The following USP4 variants were observed in gnomAD, a reference collection of about 807,000 sequenced individuals.
USP4 encodes the protein ubiquitin carboxyl-terminal hydrolase 4.
Under a neutral mutation model 118.2 loss-of-function variants are expected in USP4, and 72 were observed. That is an observed-to-expected ratio of 0.61 (90% CI 0.50 to 0.74). USP4 has a LOEUF of 0.74. Among genes scored for constraint, USP4 ranks in the 30% least tolerant of loss-of-function variants. The probability of loss-of-function intolerance (pLI) is 0.00; values close to 1 mark genes in which losing one functional copy is unlikely to be tolerated. For missense variants in USP4, 1,037 were observed against 1,185.7 expected, an observed-to-expected ratio of 0.87 and a Z score of 1.84; for synonymous variants, 415 against 440.4, an observed-to-expected ratio of 0.94 and a Z score of 0.72.
At chr3:49,278,968 CT>C in intron 20 of USP4, 66 bp from the exon 21 acceptor site, 1 of 1,110,082 alleles carries the variant, frequency 9.0e-7, no homozygotes. Flanking sequence ...GCTTATTAGG[CT>C]TGCACTAAAT....
intron 6 of USP4, among the ~76,000 whole-genome samples, chr3:49,321,403 T>C (rs192069317): frequency 7.9e-5 from 12 of 152,284 alleles, no homozygotes; most frequent in Admixed American, 7.9e-4. Context: ...CTCACCTATG[T>C]TGGAATTACC....
intron 20 of USP4, 155 bp from the exon 21 acceptor site, chr3:49,279,057 T>A: frequency 2.2e-6 from 1 of 447,252 alleles, no homozygotes; most frequent in Non-Finnish European, 4.0e-6. Context: ...AAAAAACAAC[T>A]CACCTTCTTT....
At chr3:49,338,883 C>T (rs186668368) in intron 1 of USP4, among the ~76,000 whole-genome samples, 195 of 151,446 alleles carry the variant, frequency 1.3e-3, no homozygotes, top group African/African-American at 4.4e-3. Flanking sequence ...CACGGTGGCT[C>T]CCACCTGTAA....
At chr3:49,281,497 C>T (rs1455842374) in intron 19 of USP4, among the ~76,000 whole-genome samples, 206 of 131,844 alleles carry the variant, frequency 1.6e-3, no homozygotes, top group East Asian at 4.5e-3. Context: ...TATATACACA[C>T]ACACACACAC....
chr3:49,305,065 T>TTTGTTG (rs371573239), intron 9 of USP4, among the ~76,000 whole-genome samples: 1 of 140,520 alleles, frequency 7.1e-6, no homozygotes, highest in African/African-American at 2.7e-5. Flanking sequence ...CCTGGACTTT[T>TTTGTTG]TTGTTGTTGT....
intron 13 of USP4, among the ~76,000 whole-genome samples, chr3:49,297,638 C>T (rs528523726): frequency 1.3e-4 from 20 of 152,126 alleles, no homozygotes; most frequent in Non-Finnish European, 2.5e-4. Context: ...TGAAAAAAGG[C>T]TGTGGCTGTG....
At chr3:49,318,760 A>C (rs2047468016) in intron 6 of USP4, 3 of 297,782 alleles carry the variant, frequency 1.0e-5, no homozygotes, top group African/African-American at 4.5e-5. Flanking sequence ...AATACAAAAA[A>C]TTAGCCGGGC....
chr3:49,305,104 G>A (rs1461468965), intron 9 of USP4, among the ~76,000 whole-genome samples: 4 of 144,056 alleles, frequency 2.8e-5, no homozygotes, highest in Admixed American at 7.1e-5. Flanking sequence ...ACAGAGTCTC[G>A]TTCTGTCACC....
At position 49,286,121 on chromosome 3, in the gene USP4, T is replaced by C; in HGVS notation, c.2177A>G (p.Asp726Gly). 3 of 1,614,192 alleles carry C rather than the reference T, an allele frequency of 1.9e-6. No individual in the cohort carries two copies. The highest frequency in any genetic ancestry group is 2.5e-6 in the Non-Finnish European group (3 of 1,180,018). Residue 726 changes from aspartate (D) to glycine (G), a missense_variant, in exon 16 of 22, where the codon GAT becomes GGT. By Grantham distance (94) the Asp-to-Gly change is moderately conservative (BLOSUM62 -1). Coordinates refer to ENST00000265560, the MANE Select transcript of USP4 (RefSeq NM_003363.4). ...GTADINSLAA[D>G]GKLLKLNSRS... ...ACAGTTGAGTTTAAGTAGTTTTCCA[T>C]CAGCTGCAAGTGAATTTATGTCAGC...
intron 7 of USP4, among the ~76,000 whole-genome samples, chr3:49,310,984 T>C (rs772223033): frequency 6.6e-6 from 1 of 152,078 alleles, no homozygotes; most frequent in Non-Finnish European, 1.5e-5. Flanking sequence ...CTTTGGCAAA[T>C]GCTAATTTTG....
At chr3:49,332,066 A>G (rs1388885731) in intron 2 of USP4, among the ~76,000 whole-genome samples, 1 of 151,916 alleles carries the variant, frequency 6.6e-6, no homozygotes, top group African/African-American at 2.4e-5. Flanking sequence ...TGAGGTCAGG[A>G]GTTCGAGACC....
intron 19 of USP4, among the ~76,000 whole-genome samples, chr3:49,281,196 C>T (rs2047019679): frequency 6.6e-6 from 1 of 152,114 alleles, no homozygotes; most frequent in South Asian, 2.1e-4. Context: ...GTGGCTCACA[C>T]CTGTAATCCC....
At chr3:49,330,416 C>A (rs2047603743) in intron 2 of USP4, among the ~76,000 whole-genome samples, 2 of 151,764 alleles carry the variant, frequency 1.3e-5, no homozygotes, top group African/African-American at 2.4e-5. Context: ...CAAGCTCCAC[C>A]TCTCGGGTTC....
rs370821407 is a variant in USP4 at position 49,330,217 on chromosome 3, C to T, written c.230-2401G>A. ...AAACAAACAAAAAAAGTTGAAATTA[C>T]TTCTTGACTCACAGGCTGCAGAACG... On this transcript the variant is annotated intron_variant, in intron 2 of 21. Transcript: ENST00000265560. 1.2e-4 allele frequency among the ~76,000 whole-genome samples: 18 copies of T among 150,418 alleles called. No homozygotes were observed. The East Asian group carries it at 2.5e-3, about 21-fold the overall frequency.
chr3:49,335,485 G>A lies in USP4; in HGVS notation c.213C>T (p.Asn71=), dbSNP rs772600399. ...EHNLFPGPID[N]SGLFSDPESQ... is the part of the protein sequence containing the mutation. ...TTACTATACCTGAAAATAGCCCAGAGTTGTCTATTGGGCCAGGAAATAGGT... is the reference window on the plus strand; with the variant it reads ...TTACTATACCTGAAAATAGCCCAGAATTGTCTATTGGGCCAGGAAATAGGT... The change falls in exon 2 of 22, where the codon AAC becomes AAT. Residue 71 remains asparagine (N), a synonymous_variant. Transcript: ENST00000265560. 39 of 1,614,082 alleles carry A rather than the reference G, an allele frequency of 2.4e-5. No individual in the cohort carries two copies. The highest frequency in any genetic ancestry group is 3.3e-5 in the Non-Finnish European group (39 of 1,180,052).
intron 2 of USP4, among the ~76,000 whole-genome samples, chr3:49,329,265 T>C (rs777190333): frequency 2.1e-4 from 32 of 152,198 alleles, no homozygotes; most frequent in Admixed American, 4.6e-4. Context: ...TCTCTTGCTA[T>C]TTCCACTTTT....
At chr3:49,283,221 G>T (rs142903108) in intron 19 of USP4, among the ~76,000 whole-genome samples, 1 of 149,956 alleles carries the variant, frequency 6.7e-6, no homozygotes, top group African/African-American at 2.5e-5. Context: ...TCACCATGTT[G>T]GCCAGGATGG....
At chr3:49,314,238 T>C (rs1448119360) in intron 6 of USP4, among the ~76,000 whole-genome samples, 7 of 152,234 alleles carry the variant, frequency 4.6e-5, no homozygotes, top group Admixed American at 6.6e-5. Flanking sequence ...CAAGAAATTA[T>C]ATAGGGCCTA....
intron 12 of USP4, 40 bp from the exon 13 acceptor site, chr3:49,298,004 A>G (rs757118821): frequency 7.4e-7 from 1 of 1,343,860 alleles, no homozygotes; most frequent in Non-Finnish European, 1.1e-6. Flanking sequence ...AGAATGGCTA[A>G]GAGTGCCCCT....
Sources: gnomAD v4.1 joint callset for allele counts (sites outside exome capture counted in the v4.1 genomes callset) on GRCh38, gnomAD v4.1.1 for gene constraint, MANE v1.5 for transcripts, NCBI Gene and HGNC (gene_info 2026-07-23, HGNC 2026-07-21) for gene names.